The following DMD variants were observed in gnomAD, a reference collection of about 807,000 sequenced individuals.
DMD encodes the protein dystrophin.
In DMD, 63 loss-of-function variants were observed where a neutral mutation model predicts 330.1. The observed-to-expected ratio is 0.19, with a 90% CI of 0.16 to 0.24. The LOEUF is 0.24. Among genes scored for constraint, DMD ranks in the 10% least tolerant of loss-of-function variants. The pLI is 1.00. For missense variants in DMD, 3,344 were observed against 2,684.1 expected, an observed-to-expected ratio of 1.25 and a Z score of -5.43; for synonymous variants, 1,223 against 959.8, an observed-to-expected ratio of 1.27 and a Z score of -5.07.
intron 2 of DMD, 26 bp from the exon 3 acceptor site, chrX:32,849,846 T>C (rs753777752): frequency 5.8e-6 from 6 of 1,035,195 alleles, no homozygotes; most frequent in African/African-American, 1.8e-5. Context: ...ATACACTCAA[T>C]TTAACAAAGC....
intron 33 of DMD, among the ~76,000 whole-genome samples, chrX:32,385,434 A>G (rs193091067): frequency 1.1e-4 from 12 of 111,108 alleles, no homozygotes; most frequent in Non-Finnish European, 1.9e-4. Flanking sequence ...ACCTGAACCT[A>G]TAAAATGATT....
At chrX:31,529,165 T>C (rs1439019598) in intron 55 of DMD, among the ~76,000 whole-genome samples, 11 of 105,625 alleles carry the variant, frequency 1.0e-4, no homozygotes, top group Non-Finnish European at 2.1e-4. Flanking sequence ...GAGGTTGCAG[T>C]GAGCCGAGAT....
At chrX:32,219,095 C>T (rs538526764) in intron 43 of DMD, among the ~76,000 whole-genome samples, 13 of 111,370 alleles carry the variant, frequency 1.2e-4, no homozygotes, top group South Asian at 3.7e-4. Context: ...CGAAGGTAGC[C>T]GAAGAGGTAT....
At chrX:32,013,321 G>A (rs535960198) in intron 44 of DMD, among the ~76,000 whole-genome samples, 2 of 110,211 alleles carry the variant, frequency 1.8e-5, no homozygotes, top group African/African-American at 3.3e-5. Flanking sequence ...TCCTGACCTC[G>A]TGATCTGCCC....
intron 2 of DMD, among the ~76,000 whole-genome samples, chrX:33,004,445 C>T (rs1015165661): frequency 9.0e-6 from 1 of 111,223 alleles, no homozygotes; most frequent in Non-Finnish European, 1.9e-5. Flanking sequence ...TACTACCAGA[C>T]CTTCCCAGCT....
At chrX:33,256,944 C>T (rs544261498) in intron 1 of DMD, among the ~76,000 whole-genome samples, 24 of 110,669 alleles carry the variant, frequency 2.2e-4, no homozygotes, top group African/African-American at 7.5e-4. Context: ...CCTTTGTAAA[C>T]GTGTAACGGA....
At chrX:31,721,634 TATA>T (rs1382862770) in intron 52 of DMD, among the ~76,000 whole-genome samples, 2 of 100,786 alleles carry the variant, frequency 2.0e-5, no homozygotes, top group Non-Finnish European at 4.0e-5. Context: ...TGTGTATATA[TATA>T]ATATTATTAT....
chrX:32,295,274 C>T (rs768047370), intron 42 of DMD, among the ~76,000 whole-genome samples: 10 of 111,961 alleles, frequency 8.9e-5, no homozygotes, highest in Non-Finnish European at 1.5e-4. Context: ...AGGATATTTG[C>T]ATCTCTGATT....
chrX:31,185,216 C>T (rs916324014), intron 67 of DMD, among the ~76,000 whole-genome samples: 1 of 111,756 alleles, frequency 8.9e-6, no homozygotes, highest in East Asian at 2.8e-4. Flanking sequence ...ACTTCTTAAA[C>T]CTGTGATTTA....
intron 48 of DMD, among the ~76,000 whole-genome samples, chrX:31,864,266 A>G (rs1435564849): frequency 1.8e-5 from 2 of 111,357 alleles, no homozygotes; most frequent in East Asian, 5.7e-4. Flanking sequence ...GAAAGGGAAC[A>G]GTAAAAGTCA....
intron 50 of DMD, among the ~76,000 whole-genome samples, chrX:31,802,165 A>ATT (rs200347674): frequency 8.8e-5 from 9 of 102,688 alleles, no homozygotes; most frequent in African/African-American, 1.7e-4. Context: ...GTGGGATATC[A>ATT]TTTCTTTTTT....
chrX:32,744,084 C>T (rs1177648822), intron 7 of DMD, among the ~76,000 whole-genome samples: 1 of 111,003 alleles, frequency 9.0e-6, no homozygotes, highest in South Asian at 3.8e-4. Context: ...TTTAAACCCT[C>T]TCTCACCAGC....
At chrX:32,060,504 G>T (rs2096215045) in intron 44 of DMD, among the ~76,000 whole-genome samples, 1 of 111,374 alleles carries the variant, frequency 9.0e-6, no homozygotes, top group Non-Finnish European at 1.9e-5. Context: ...AAGATGCATT[G>T]TGAGAGAAGT....
intron 48 of DMD, among the ~76,000 whole-genome samples, chrX:31,848,129 TCTC>T (rs1440709202): frequency 8.9e-6 from 1 of 111,979 alleles, no homozygotes; most frequent in Non-Finnish European, 1.9e-5. Context: ...GTTAATTATT[TCTC>T]CTCCTCTTGA....
chrX:32,343,963 A>G (rs2097756071), intron 39 of DMD, among the ~76,000 whole-genome samples: 1 of 112,123 alleles, frequency 8.9e-6, no homozygotes, highest in Non-Finnish European at 1.9e-5. Context: ...TTATCTTACT[A>G]TACCAAATCA....
intron 62 of DMD, among the ~76,000 whole-genome samples, chrX:31,266,624 C>T (rs865976782): frequency 4.5e-5 from 5 of 112,033 alleles, no homozygotes; most frequent in Non-Finnish European, 9.4e-5. Flanking sequence ...GGAGAAACCC[C>T]GGGGGCGCAC....
chrX:32,686,280 G>A (rs914275395), intron 9 of DMD, among the ~76,000 whole-genome samples: 1 of 111,129 alleles, frequency 9.0e-6, no homozygotes, highest in Non-Finnish European at 1.9e-5. Context: ...CTGTATGGCC[G>A]GGCACAATGG....
chrX:31,931,953 A>G, intron 46 of DMD, 127 bp downstream of exon 46: 1 of 798,374 alleles, frequency 1.3e-6, no homozygotes, highest in Non-Finnish European at 1.8e-6. Flanking sequence ...TAAAGTTGTG[A>G]GAAAAACACT....
intron 64 of DMD, 43 bp from the exon 65 acceptor site, chrX:31,209,742 ACCTT>A (rs2044464492): frequency 8.7e-7 from 1 of 1,153,471 alleles, no homozygotes; most frequent in Non-Finnish European, 1.2e-6. Context: ...AAAGAGTAAA[ACCTT>A]CCTTTCAGTG....
Sources: allele counts gnomAD v4.1 joint callset (sites outside exome capture counted in the v4.1 genomes callset), GRCh38; gene constraint gnomAD v4.1.1; transcripts MANE v1.5; gene names NCBI Gene and HGNC (gene_info 2026-07-23, HGNC 2026-07-21).